ZNF90: variants seen among roughly 807,000 people sequenced by gnomAD.
The protein encoded by ZNF90 is zinc finger protein HTF9.
A neutral mutation model predicts 12.0 loss-of-function variants in ZNF90; 11 were observed. The ratio of observed to expected loss-of-function variants is 0.92; its 90% CI spans 0.58 to 1.52. The LOEUF (loss-of-function observed/expected upper bound fraction) is 1.52. Ranked by LOEUF, ZNF90 falls within the 40% of genes most tolerant of loss-of-function variation. ZNF90 has a pLI of 0.00. For synonymous variants in ZNF90, 232 were observed against 240.1 expected, an observed-to-expected ratio of 0.97 and a Z score of 0.31; for missense variants, 765 against 711.5, an observed-to-expected ratio of 1.08 and a Z score of -0.86.
At position 20,078,007 on chromosome 19, in the gene ZNF90, C is replaced by A; in HGVS notation, c.-126C>A. 7.8e-7 allele frequency: 1 copy of A among 1,285,334 alleles called. No individual in the cohort carries two copies. The highest frequency in any genetic ancestry group is 1.1e-6 in the Non-Finnish European group (1 of 883,924). The allele number at this position is 1,285,334 out of a possible 1,614,324, so 79.6% of individuals were successfully genotyped here. ...TTTCGGGTTTGGCGCGGCCATTTGTCTCTTGCTGCAGCTGGTGCTCCAAAT... is the reference window on the plus strand; with the variant it reads ...TTTCGGGTTTGGCGCGGCCATTTGTATCTTGCTGCAGCTGGTGCTCCAAAT... On this transcript the variant is annotated 5_prime_UTR_variant, in exon 1 of 4. Transcript: ENST00000418063.
intron 1 of ZNF90, among the ~76,000 whole-genome samples, chr19:20,094,554 G>A (rs987221868): frequency 3.9e-5 from 6 of 152,164 alleles, no homozygotes; most frequent in Admixed American, 1.3e-4. Context: ...ATGTAATCTC[G>A]CCTAGCTATA....
At chr19:20,085,323 G>A (rs868960132) in intron 1 of ZNF90, among the ~76,000 whole-genome samples, 13 of 141,248 alleles carry the variant, frequency 9.2e-5, no homozygotes, top group Non-Finnish European at 1.8e-4. Context: ...GCAGTGGCCC[G>A]ATCTCGGCTC....
intron 1 of ZNF90, among the ~76,000 whole-genome samples, chr19:20,089,300 G>GGA (rs1327634911): frequency 6.6e-6 from 1 of 152,158 alleles, no homozygotes; most frequent in Non-Finnish European, 1.5e-5. Flanking sequence ...GGGCCTGGGA[G>GGA]GAGAGTCTGA....
chr19:20,106,044 C>CTTTTTTTTTTTTTTTTT (rs56933917), intron 3 of ZNF90, among the ~76,000 whole-genome samples: 5 of 71,032 alleles, frequency 7.0e-5, no homozygotes, highest in East Asian at 4.5e-4. Context: ...CTAATTTTTT[C>CTTTTTTTTTTTTTTTTT]TTTTTTTTTT....
intron 1 of ZNF90, among the ~76,000 whole-genome samples, chr19:20,101,807 C>T (rs1298757698): frequency 1.3e-5 from 2 of 152,178 alleles, no homozygotes; most frequent in African/African-American, 4.8e-5. Flanking sequence ...GTCTCAGATG[C>T]AGAGCTGTGT....
chr19:20,102,008 C>T (rs1190297949), intron 1 of ZNF90, among the ~76,000 whole-genome samples: 1 of 152,170 alleles, frequency 6.6e-6, no homozygotes, highest in African/African-American at 2.4e-5. Context: ...TTCTTATATG[C>T]CATGCAGAAT....
At chr19:20,109,913 C>G (rs987939942) in intron 3 of ZNF90, among the ~76,000 whole-genome samples, 2 of 152,082 alleles carry the variant, frequency 1.3e-5, no homozygotes, top group East Asian at 1.9e-4. Context: ...TCTTGCAAAA[C>G]TAAAACTTAG....
chr19:20,084,876 C>T lies in ZNF90; in HGVS notation c.3+6741C>T, dbSNP rs140289754. On this transcript the variant is annotated intron_variant, in intron 1 of 3. Transcript: ENST00000418063. ...TGTAAGCTTGTAGGTTGTCTGTTTA[C>T]TCTGTTGATAGTTTCCTTTCTGTTA... 2.8e-3 allele frequency among the ~76,000 whole-genome samples: 430 copies of T among 152,134 alleles called. 3 individuals carry two copies. The highest frequency in any genetic ancestry group is 0.015 in the South Asian group (71 of 4,824).
intron 1 of ZNF90, among the ~76,000 whole-genome samples, chr19:20,098,062 T>A (rs1389054237): frequency 6.6e-6 from 1 of 152,192 alleles, no homozygotes; most frequent in Non-Finnish European, 1.5e-5. Context: ...ATCCATAAAC[T>A]TGACCCAAAT....
intron 1 of ZNF90, among the ~76,000 whole-genome samples, chr19:20,078,731 A>T (rs1313563399): frequency 1.3e-5 from 2 of 152,242 alleles, no homozygotes; most frequent in Middle Eastern, 3.4e-3. Flanking sequence ...CCCGATTTGG[A>T]AAAAGCTTGA....
chr19:20,108,148 A>T (rs1427745732), intron 3 of ZNF90, among the ~76,000 whole-genome samples: 2 of 152,190 alleles, frequency 1.3e-5, no homozygotes, highest in African/African-American at 4.8e-5. Flanking sequence ...TCTAGTTTTA[A>T]ATGCTAATTT....
intron 1 of ZNF90, 39 bp downstream of exon 1, chr19:20,078,174 A>G (rs768211690): frequency 6.2e-7 from 1 of 1,613,726 alleles, no homozygotes; most frequent in South Asian, 1.1e-5. Flanking sequence ...GAGGGGAGGG[A>G]CTGGTTGGAA....
chr19:20,101,080 G>C (rs532589630), intron 1 of ZNF90, among the ~76,000 whole-genome samples: 1 of 151,816 alleles, frequency 6.6e-6, no homozygotes, highest in Non-Finnish European at 1.5e-5. Context: ...ACTTGCCGTC[G>C]ACCACTGCTG....
intron 1 of ZNF90, among the ~76,000 whole-genome samples, chr19:20,096,144 G>A (rs1274645238): frequency 2.0e-5 from 3 of 152,160 alleles, no homozygotes; most frequent in African/African-American, 7.2e-5. Context: ...GAGGTTGAGG[G>A]ATAGTGAGGG....
intron 1 of ZNF90, among the ~76,000 whole-genome samples, chr19:20,089,618 G>T (rs1436900219): frequency 2.0e-5 from 3 of 152,166 alleles, no homozygotes; most frequent in African/African-American, 7.2e-5. Flanking sequence ...GGGGGAAGTA[G>T]AGTTAATATA....
chr19:20,080,235 C>T (rs2088809756), intron 1 of ZNF90: 2 of 583,014 alleles, frequency 3.4e-6, no homozygotes, highest in Non-Finnish European at 6.8e-6. Context: ...TGTTGATGAG[C>T]ACGATGCAAT....
chr19:20,102,338 C>A (rs2088996301), intron 1 of ZNF90, among the ~76,000 whole-genome samples: 1 of 152,114 alleles, frequency 6.6e-6, no homozygotes. Context: ...TGACTTATAC[C>A]CATCCTTCCT....
Position 20,118,331 on chromosome 19 carries a change from T to G in ZNF90, c.777T>G (p.Cys259Trp). 6.4e-7 allele frequency: 1 copy of G among 1,558,412 alleles called. No individual in the cohort carries two copies. Among genetic ancestry groups the G allele is most frequent in the South Asian group, 1.2e-5 (1 of 84,910 alleles). Residue 259 changes from cysteine (C) to tryptophan (W), a missense_variant, in exon 4 of 4, where the codon TGT becomes TGG. Physicochemically the swap from Cys to Trp is radical, Grantham distance 215 (BLOSUM62 -2). Transcript: ENST00000418063. ...ATACTGGAGAGAAACGGTACAAATG[T>G]GAAGATTGTGGCAAAGAATTAAAGT... is the stretch of plus-strand genomic sequence containing the variant. ...RIHTGEKRYK[C>W]EDCGKELKYS... is the part of the protein sequence containing the mutation.
At chr19:20,094,494 T>C (rs1555703046) in intron 1 of ZNF90, among the ~76,000 whole-genome samples, 2 of 152,202 alleles carry the variant, frequency 1.3e-5, no homozygotes, top group Non-Finnish European at 2.9e-5. Context: ...TTGTCATAAT[T>C]AACAGCTTTG....
Sources: allele counts gnomAD v4.1 joint callset (sites outside exome capture counted in the v4.1 genomes callset), GRCh38; gene constraint gnomAD v4.1.1; transcripts MANE v1.5; gene names NCBI Gene and HGNC (gene_info 2026-07-23, HGNC 2026-07-21).